The following FER variants were observed in gnomAD, a reference collection of about 807,000 sequenced individuals.
FER encodes FER tyrosine kinase.
FER carries 63 observed loss-of-function variants against 111.0 expected under a neutral mutation model. That is an observed-to-expected ratio of 0.57 (90% CI 0.46 to 0.70). FER has a LOEUF of 0.70. Among genes scored for constraint, FER ranks in the 30% least tolerant of loss-of-function variants. The pLI is 0.00. For missense variants in FER, 914 were observed against 954.0 expected (o/e 0.96, Z 0.55); for synonymous variants, 327 against 313.9 (o/e 1.04, Z -0.44).
At chr5:109,064,297 A>G (rs1396924543) in intron 16 of FER, among the ~76,000 whole-genome samples, 2 of 152,250 alleles carry the variant, frequency 1.3e-5, no homozygotes, top group Non-Finnish European at 2.9e-5. Context: ...TGTTTTTTAG[A>G]TATACTCTCT....
rs574471754 is a variant in FER, at chr5:108,837,911, T to C, written c.481+2104T>C. ...TTTTTAAAAATTATACAAGCTTAGT[T>C]GTCTTTCTAAAGGTATTCATGATAG... On this transcript the variant is annotated intron_variant, in intron 5 of 19. Coordinates refer to ENST00000281092, the MANE Select transcript of FER (RefSeq NM_005246.4). Among the ~76,000 whole-genome samples the C allele has an allele frequency of 7.9e-5, 12 of 152,252 alleles. No individual in the cohort carries two copies. The East Asian group carries it at 1.9e-3, about 24-fold the overall frequency.
intron 17 of FER, among the ~76,000 whole-genome samples, chr5:109,120,695 A>G (rs1162586615): frequency 1.3e-5 from 2 of 152,010 alleles, no homozygotes; most frequent in Non-Finnish European, 1.5e-5. Context: ...TTTGGGTTGT[A>G]TGGACTTTTT....
intron 13 of FER, among the ~76,000 whole-genome samples, chr5:108,986,645 A>G (rs1027326484): frequency 9.2e-5 from 14 of 152,080 alleles, no homozygotes; most frequent in African/African-American, 3.4e-4. Context: ...TGAGGATCCA[A>G]TTTCATTCTT....
chr5:109,187,404 ATTCTG>A (rs775891081), intron 19 of FER, 24 bp from the exon 20 acceptor site: 1 of 1,606,610 alleles, frequency 6.2e-7, no homozygotes, highest in Non-Finnish European at 8.5e-7. Flanking sequence ...TCCATTCTAA[ATTCTG>A]TTCTCCTTCT....
At chr5:108,855,505 C>G (rs1473338061) in intron 5 of FER, among the ~76,000 whole-genome samples, 1 of 150,510 alleles carries the variant, frequency 6.6e-6, no homozygotes, top group African/African-American at 2.5e-5. Flanking sequence ...CCTGTAGTCC[C>G]AGCTACTCGG....
Position 108,867,719 on chromosome 5 carries a change from T to G in FER, c.482-48T>G, listed in dbSNP as rs1234937933. On this transcript the variant is annotated intron_variant, in intron 5 of 19. Coordinates refer to ENST00000281092, the MANE Select transcript of FER (RefSeq NM_005246.4). ...GTTTGTATGTAGTGAAGATACAATT[T>G]TTTTTCTTATCTCTTTACTAACTTT... The G allele has an allele frequency of 4.5e-6, 7 of 1,542,376 alleles. No individual in the cohort carries two copies. The Admixed American group carries it at 1.4e-4, about 32-fold the overall frequency.
chr5:109,083,465 T>C (rs1581952482), intron 16 of FER, among the ~76,000 whole-genome samples: 3 of 152,078 alleles, frequency 2.0e-5, no homozygotes, highest in African/African-American at 7.2e-5. Context: ...TCTATCCATC[T>C]CACTTTATCT....
intron 3 of FER, among the ~76,000 whole-genome samples, chr5:108,812,271 G>A (rs1260791548): frequency 6.6e-6 from 1 of 152,090 alleles, no homozygotes; most frequent in Non-Finnish European, 1.5e-5. Flanking sequence ...TTATTGGGTG[G>A]GAAATGTTTA....
intron 13 of FER, among the ~76,000 whole-genome samples, chr5:108,967,098 GTGGCCTGCTCACT>G (rs1326214120): frequency 6.6e-6 from 1 of 152,118 alleles, no homozygotes; most frequent in African/African-American, 2.4e-5. Context: ...GCTGCAACAG[GTGGCCTGCTCACT>G]TGGCCTGCCC....
At chr5:108,820,180 G>C in intron 3 of FER, 1 of 985,300 alleles carries the variant, frequency 1.0e-6, no homozygotes, top group Non-Finnish European at 1.2e-6. Context: ...TCCTCTACTA[G>C]AGCTGGATCA....
rs893773241 is a variant in FER, at chr5:109,043,023, A to G, written c.1714-1657A>G. Among the ~76,000 whole-genome samples the G allele has an allele frequency of 2.6e-5, 4 of 152,132 alleles. No homozygotes were observed. The East Asian group carries it at 7.7e-4, about 29-fold the overall frequency. On this transcript the variant is annotated intron_variant, in intron 14 of 19. Coordinates refer to ENST00000281092, the MANE Select transcript of FER (RefSeq NM_005246.4). ...GGAGAAGTGAGGGACTGAAGATGAG[A>G]TCAGCTTAGGTAATAGAATTGAGGT...
intron 2 of FER, among the ~76,000 whole-genome samples, chr5:108,785,847 A>G (rs1230575998): frequency 1.3e-5 from 2 of 152,178 alleles, no homozygotes; most frequent in African/African-American, 4.8e-5. Flanking sequence ...GGCGTAAGTC[A>G]TCCTGCCTCT....
intron 9 of FER, among the ~76,000 whole-genome samples, chr5:108,885,485 A>C (rs1266019984): frequency 6.6e-6 from 1 of 151,924 alleles, no homozygotes; most frequent in Admixed American, 6.6e-5. Flanking sequence ...TAAAGAGCAG[A>C]CTTTATTTCT....
At chr5:109,090,038 C>T (rs1388379117) in intron 16 of FER, among the ~76,000 whole-genome samples, 1 of 152,086 alleles carries the variant, frequency 6.6e-6, no homozygotes, top group Non-Finnish European at 1.5e-5. Context: ...GAGTGTGCAT[C>T]CAGTATTCTG....
At chr5:109,096,736 G>C (rs1747579405) in intron 16 of FER, among the ~76,000 whole-genome samples, 1 of 151,848 alleles carries the variant, frequency 6.6e-6, no homozygotes, top group African/African-American at 2.4e-5. Flanking sequence ...GGCTAAGCCA[G>C]TCTAGGACCA....
At chr5:108,953,412 G>A (rs538250649) in intron 11 of FER, among the ~76,000 whole-genome samples, 12 of 151,932 alleles carry the variant, frequency 7.9e-5, no homozygotes, top group East Asian at 1.9e-4. Flanking sequence ...AGTCACAAAC[G>A]GAATATATTT....
At chr5:109,109,884 T>C (rs768406723) in intron 17 of FER, among the ~76,000 whole-genome samples, 2 of 152,176 alleles carry the variant, frequency 1.3e-5, no homozygotes, top group African/African-American at 2.4e-5. Flanking sequence ...TTGCTAATTA[T>C]ACTCCCATTC....
intron 2 of FER, among the ~76,000 whole-genome samples, chr5:108,786,710 C>T (rs1004132324): frequency 5.9e-5 from 9 of 152,098 alleles, no homozygotes; most frequent in African/African-American, 2.2e-4. Flanking sequence ...CTGTGTTAGC[C>T]AGAATGGTCT....
intron 13 of FER, among the ~76,000 whole-genome samples, chr5:108,978,342 T>C (rs1391022369): frequency 1.3e-5 from 2 of 152,238 alleles, no homozygotes; most frequent in East Asian, 1.9e-4. Flanking sequence ...TGACAATCCT[T>C]TGCATGTCTG....
Sources: gnomAD v4.1 joint callset for allele counts (sites outside exome capture counted in the v4.1 genomes callset) on GRCh38, gnomAD v4.1.1 for gene constraint, MANE v1.5 for transcripts, NCBI Gene and HGNC (gene_info 2026-07-23, HGNC 2026-07-21) for gene names.